Variants in RTKN2 observed in about 807,000 individuals in gnomAD.
RTKN2 encodes rhotekin-2.
RTKN2 carries 69 observed loss-of-function variants against 71.5 expected under a neutral mutation model. That is an observed-to-expected ratio of 0.96 (90% CI 0.79 to 1.18). The LOEUF (loss-of-function observed/expected upper bound fraction) is 1.18, where lower values mean the gene tolerates loss of function less well. Among genes scored for constraint, RTKN2 ranks in the 50% most tolerant of loss-of-function variants. The pLI is 0.00. For synonymous variants in RTKN2, 236 were observed against 236.5 expected, an observed-to-expected ratio of 1.00 and a Z score of 0.02; for missense variants, 724 against 719.7, an observed-to-expected ratio of 1.01 and a Z score of -0.07.
In RTKN2 at chr10:62,199,846, C is replaced by T. The variant is rs1315432782; in HGVS notation, c.1202G>A (p.Cys401Tyr). 20 of 1,611,306 alleles carry T rather than the reference C, an allele frequency of 1.2e-5. No homozygotes were observed. The highest frequency in any genetic ancestry group is 1.6e-5 in the Non-Finnish European group (19 of 1,177,776). Reference sequence around the variant, plus strand: ...CTCAATTTTCATAAGTTCTTCACAACAGTGCTTCCATTGGCCTAAGACAGA... The same window carrying T: ...CTCAATTTTCATAAGTTCTTCACAATAGTGCTTCCATTGGCCTAAGACAGA... ...HFFDLSQWKH[C>Y]CEELMKIEIM... Residue 401 changes from cysteine (C) to tyrosine (Y), a missense_variant, in exon 11 of 12, where the codon TGT (cysteine) becomes TAT (tyrosine). Coordinates refer to ENST00000373789, the MANE Select transcript of RTKN2 (RefSeq NM_145307.4).
In RTKN2 at chr10:62,239,683, T is replaced by G; in HGVS notation, c.453A>C (p.Thr151=). The change falls in exon 5 of 12, where the codon ACA becomes ACC. Residue 151 remains threonine, a synonymous_variant. Transcript: ENST00000373789. Reference sequence around the variant, plus strand: ...CATTTTCAAAACATATATCTGTGATTGTTTTATCCACATTCACCACATCAG... The same window carrying G: ...CATTTTCAAAACATATATCTGTGATGGTTTTATCCACATTCACCACATCAG... ...FDTDVVNVDK[T]ITDICFENVT... 1 of 1,554,432 alleles carries G rather than the reference T, an allele frequency of 6.4e-7. No homozygotes were observed. Among genetic ancestry groups the G allele is most frequent in the Non-Finnish European group, 8.8e-7 (1 of 1,139,296 alleles).
At chr10:62,209,258 A>C (rs1841610436) in intron 9 of RTKN2, among the ~76,000 whole-genome samples, 1 of 152,100 alleles carries the variant, frequency 6.6e-6, no homozygotes, top group South Asian at 2.1e-4. Flanking sequence ...ACACGAGCGA[A>C]ACTCCATCTC....
chr10:62,247,270 T>C (rs1038500715), intron 2 of RTKN2, among the ~76,000 whole-genome samples: 2 of 151,996 alleles, frequency 1.3e-5, no homozygotes, highest in African/African-American at 4.8e-5. Flanking sequence ...AAAACAAATA[T>C]ATCATCCTGC....
At chr10:62,245,248 G>C (rs1372427679) in intron 3 of RTKN2, among the ~76,000 whole-genome samples, 1 of 151,912 alleles carries the variant, frequency 6.6e-6, no homozygotes, top group Non-Finnish European at 1.5e-5. Context: ...TTGAGAGAAA[G>C]GAAACATCCT....
intron 9 of RTKN2, chr10:62,215,184 T>G: frequency 1.3e-6 from 1 of 746,740 alleles, no homozygotes; most frequent in Non-Finnish European, 2.1e-6. Context: ...AGGATTTCAT[T>G]TTTACTCCTC....
intron 5 of RTKN2, among the ~76,000 whole-genome samples, chr10:62,237,416 G>A (rs1842281165): frequency 6.6e-6 from 1 of 151,930 alleles, no homozygotes; most frequent in Non-Finnish European, 1.5e-5. Context: ...AATGGCCTGA[G>A]AGAGTTACCG....
At chr10:62,229,224 T>C (rs1000903970) in intron 6 of RTKN2, among the ~76,000 whole-genome samples, 10 of 152,162 alleles carry the variant, frequency 6.6e-5, no homozygotes, top group African/African-American at 2.4e-4. Flanking sequence ...TAAGCTAAGT[T>C]GGAGTCAGAG....
At chr10:62,217,981 G>A (rs1044722728) in intron 8 of RTKN2, among the ~76,000 whole-genome samples, 3 of 151,968 alleles carry the variant, frequency 2.0e-5, no homozygotes, top group African/African-American at 7.3e-5. Context: ...GAGAGGTAGC[G>A]CCTTAGCCAT....
chr10:62,211,659 A>G (rs1841661310), intron 9 of RTKN2, among the ~76,000 whole-genome samples: 1 of 152,094 alleles, frequency 6.6e-6, no homozygotes, highest in South Asian at 2.1e-4. Flanking sequence ...ACTAAAAGAG[A>G]AACACTATTC....
rs749361486 is a variant in RTKN2 at position 62,199,898 on chromosome 10, C to T, written c.1187-37G>A. On this transcript the variant is annotated intron_variant, in intron 10 of 11. Coordinates refer to ENST00000373789, the MANE Select transcript of RTKN2 (RefSeq NM_145307.4). ...AGAAAAAAGGTAGACTAGTTTAAAA[C>T]ATAAATGTGAAGATATATATTTCAT... 11 of 1,283,956 alleles carry T rather than the reference C, an allele frequency of 8.6e-6. No individual in the cohort carries two copies. In the South Asian group the frequency reaches 1.2e-4, roughly 14 times the overall value. 79.5% of individuals were successfully genotyped at this position (1,283,956 alleles called of 1,614,324 possible).
At position 62,198,281 on chromosome 10, in the gene RTKN2, A is replaced by C. The variant is rs752095107; in HGVS notation, c.1457T>G (p.Val486Gly). The C allele has an allele frequency of 7.4e-6, 12 of 1,613,758 alleles. No individual in the cohort carries two copies. The highest frequency in any genetic ancestry group is 1.7e-5 in the Admixed American group (1 of 59,964). ...GNHQMVIQKK[V>G]LYPASEPLHD... ...TAATGGCTCACTTGCAGGATACAGT[A>C]CCTTTTTCTGGATGACCATTTGATG... Residue 486 changes from valine to glycine, a missense_variant, in exon 12 of 12, where the codon GTA becomes GGA. Coordinates refer to ENST00000373789, the MANE Select transcript of RTKN2 (RefSeq NM_145307.4).
intron 5 of RTKN2, chr10:62,238,984 G>A (rs186689173): frequency 6.6e-6 from 1 of 152,078 alleles, no homozygotes; most frequent in African/African-American, 2.4e-5. Context: ...AGGAGGGCAG[G>A]AAAAACTATG....
In RTKN2 at chr10:62,194,050, C is replaced by T; in HGVS notation, c.*3858G>A. The T allele has an allele frequency of 4.1e-6, 4 of 982,566 alleles. No individual in the cohort carries two copies. Among genetic ancestry groups the T allele is most frequent in the Non-Finnish European group, 4.8e-6 (4 of 827,330 alleles). 60.9% of individuals were successfully genotyped at this position (982,566 alleles called of 1,614,324 possible). A position where few individuals can be genotyped will look rare whatever the true frequency, so the allele number is the denominator to read the frequency against. On this transcript the variant is annotated 3_prime_UTR_variant, in exon 12 of 12. Transcript: ENST00000373789. Reference sequence around the variant, plus strand: ...AGAAGTTTCAATTACATGACTTGGGCTCGCTTACCAAATACCTTTGGTACT... The same window carrying T: ...AGAAGTTTCAATTACATGACTTGGGTTCGCTTACCAAATACCTTTGGTACT...
At chr10:62,252,799 A>C (rs909554792) in intron 2 of RTKN2, among the ~76,000 whole-genome samples, 1 of 152,018 alleles carries the variant, frequency 6.6e-6, no homozygotes, top group Admixed American at 6.6e-5. Flanking sequence ...TGGCTCGTGG[A>C]GCTAAGGGAA....
At chr10:62,201,713 T>C (rs1346042808) in intron 10 of RTKN2, among the ~76,000 whole-genome samples, 3 of 152,190 alleles carry the variant, frequency 2.0e-5, no homozygotes, top group Non-Finnish European at 4.4e-5. Context: ...GTTAAACTAG[T>C]AGCAGAATAT....
intron 6 of RTKN2, among the ~76,000 whole-genome samples, chr10:62,231,339 T>G (rs1842144477): frequency 6.6e-6 from 1 of 152,196 alleles, no homozygotes; most frequent in Non-Finnish European, 1.5e-5. Flanking sequence ...CTAAAGGAAT[T>G]TTAGTAAGCT....
chr10:62,212,397 G>GA (rs1300142029), intron 9 of RTKN2, among the ~76,000 whole-genome samples: 56 of 149,070 alleles, frequency 3.8e-4, no homozygotes, highest in African/African-American at 1.0e-3. Flanking sequence ...AAATAAATAG[G>GA]AAAAAAAAAG....
chr10:62,201,316 TCCA>T (rs1287862439), intron 10 of RTKN2, among the ~76,000 whole-genome samples: 2 of 152,098 alleles, frequency 1.3e-5, no homozygotes, highest in Non-Finnish European at 2.9e-5. Context: ...AAATTAAAAA[TCCA>T]CCACCATTAG....
At chr10:62,207,886 C>G (rs528415309) in intron 9 of RTKN2, among the ~76,000 whole-genome samples, 17 of 152,154 alleles carry the variant, frequency 1.1e-4, no homozygotes, top group African/African-American at 3.9e-4. Flanking sequence ...TCTATTAAGC[C>G]CAGCGTTTCC....
Sources: gnomAD v4.1 joint callset for allele counts (sites outside exome capture counted in the v4.1 genomes callset) on GRCh38, gnomAD v4.1.1 for gene constraint, MANE v1.5 for transcripts, NCBI Gene and HGNC (gene_info 2026-07-23, HGNC 2026-07-21) for gene names.